The following EXOC6B variants were observed in gnomAD, a reference collection of about 807,000 sequenced individuals.
EXOC6B encodes SEC15 homolog B.
In EXOC6B, 54 loss-of-function variants were observed where a neutral mutation model predicts 113.5. That is an observed-to-expected ratio of 0.48 (90% CI 0.38 to 0.60). EXOC6B has a LOEUF of 0.60. Ranked by LOEUF, EXOC6B falls within the 20% of genes least tolerant of loss-of-function variation. EXOC6B has a pLI of 0.00. For synonymous variants in EXOC6B, 357 were observed against 339.0 expected (o/e 1.05, Z -0.58); for missense variants, 797 against 977.5 (o/e 0.82, Z 2.46).
intron 6 of EXOC6B, among the ~76,000 whole-genome samples, chr2:72,587,427 A>G (rs1705661730): frequency 6.6e-6 from 1 of 152,284 alleles, no homozygotes; most frequent in South Asian, 2.1e-4. Flanking sequence ...AAAGGGGGAG[A>G]GAAAGGAAAG....
At position 72,825,856 on chromosome 2, in the gene EXOC6B, C is replaced by T. The variant is rs748008544; in HGVS notation, c.55G>A (p.Glu19Lys). The T allele has an allele frequency of 6.2e-7, 1 of 1,613,492 alleles. No homozygotes were observed. The highest frequency in any genetic ancestry group is 8.5e-7 in the Non-Finnish European group (1 of 1,179,746). Residue 19 changes from glutamate to lysine, a missense_variant, in exon 1 of 22, where the codon GAG becomes AAG. Physicochemically the swap from Glu to Lys is moderately conservative, Grantham distance 56. Coordinates refer to ENST00000272427, the MANE Select transcript of EXOC6B (RefSeq NM_015189.3). The surrounding 1 kb of genome is among the most constrained non-coding windows in gnomAD (Gnocchi z 4.4). Reference sequence around the variant, plus strand: ...CTCTCGATCTCTCGCAGGATCCGCTCGTGCTCTGCCGCTGTCTCCAGGCTC... The same window carrying T: ...CTCTCGATCTCTCGCAGGATCCGCTTGTGCTCTGCCGCTGTCTCCAGGCTC... ...AESLETAAEH[E>K]RILREIESTD...
At chr2:72,679,610 C>T (rs1188284231) in intron 6 of EXOC6B, among the ~76,000 whole-genome samples, 1 of 152,036 alleles carries the variant, frequency 6.6e-6, no homozygotes, top group African/African-American at 2.4e-5. Context: ...GAGATTTCAC[C>T]AATGGCATAA....
rs531940180 is a variant in EXOC6B at position 72,384,063 on chromosome 2, T to C, written c.1981-4193A>G. Among the ~76,000 whole-genome samples, 4 of 152,220 alleles carry C rather than the reference T, an allele frequency of 2.6e-5. No individual in the cohort carries two copies. In the South Asian group the frequency reaches 6.2e-4, roughly 24 times the overall value. ...CCTTTCAGACACTATGCTTAATACC[T>C]GGGTGATGACATAATCTGTACACCA... On this transcript the variant is annotated intron_variant, in intron 18 of 21. Transcript: ENST00000272427.
At chr2:72,231,089 G>A (rs1321573893) in intron 20 of EXOC6B, among the ~76,000 whole-genome samples, 1 of 152,098 alleles carries the variant, frequency 6.6e-6, no homozygotes, top group East Asian at 1.9e-4. Context: ...GTAGAATCCA[G>A]TTCTGGTTCA....
At chr2:72,453,234 G>A (rs921860202) in intron 18 of EXOC6B, among the ~76,000 whole-genome samples, 2 of 152,124 alleles carry the variant, frequency 1.3e-5, no homozygotes, top group African/African-American at 2.4e-5. Flanking sequence ...GGGCTACTTC[G>A]CAAACAAAGA....
chr2:72,565,404 T>C (rs1012525715), intron 7 of EXOC6B, among the ~76,000 whole-genome samples: 3 of 135,762 alleles, frequency 2.2e-5, no homozygotes, highest in Non-Finnish European at 3.1e-5. Flanking sequence ...AAAATTCAAG[T>C]GGTCTTTATT....
chr2:72,432,621 A>G (rs1695608770), intron 18 of EXOC6B, among the ~76,000 whole-genome samples: 1 of 152,090 alleles, frequency 6.6e-6, no homozygotes, highest in Non-Finnish European at 1.5e-5. Flanking sequence ...CCCCATTCTA[A>G]CTGGCATGAG....
At chr2:72,665,093 G>T (rs536051041) in intron 6 of EXOC6B, among the ~76,000 whole-genome samples, 1 of 152,152 alleles carries the variant, frequency 6.6e-6, no homozygotes, top group South Asian at 2.1e-4. Flanking sequence ...CCGCAGGGCC[G>T]GTCTGGGAAG....
intron 6 of EXOC6B, among the ~76,000 whole-genome samples, chr2:72,638,130 G>A (rs573911621): frequency 6.6e-6 from 1 of 152,186 alleles, no homozygotes; most frequent in East Asian, 1.9e-4. Flanking sequence ...GAAAAACAGA[G>A]AGAAGGTCCA....
At chr2:72,258,951 A>G (rs932998736) in intron 20 of EXOC6B, among the ~76,000 whole-genome samples, 2 of 152,214 alleles carry the variant, frequency 1.3e-5, no homozygotes, top group African/African-American at 4.8e-5. Context: ...TCATATATAT[A>G]TTCATCAACT....
rs114625036 is a variant in EXOC6B, at chr2:72,673,351, G to A, written c.669+44752C>T. The stretch of plus-strand genomic sequence containing the variant: ...ATTTACTGAATGAAAGGCTATGATT[G>A]ACAATAACCTGCCCAGCCGTTCCCA... On this transcript the variant is annotated intron_variant, in intron 6 of 21. Coordinates refer to ENST00000272427, the MANE Select transcript of EXOC6B (RefSeq NM_015189.3). Among the ~76,000 whole-genome samples the A allele has an allele frequency of 5.4e-3, 816 of 152,272 alleles. 8 individuals carry two copies. Among genetic ancestry groups the A allele is most frequent in the African/African-American group, 0.018 (765 of 41,558 alleles).
intron 8 of EXOC6B, among the ~76,000 whole-genome samples, chr2:72,522,089 AT>A (rs922447420): frequency 2.0e-5 from 3 of 151,972 alleles, no homozygotes; most frequent in East Asian, 1.9e-4. Context: ...CTCCACAACA[AT>A]TTTTTTTATC....
intron 8 of EXOC6B, among the ~76,000 whole-genome samples, chr2:72,520,349 T>A (rs1187252479): frequency 6.6e-6 from 1 of 152,226 alleles, no homozygotes; most frequent in African/African-American, 2.4e-5. Context: ...CATCTCCTCA[T>A]GTAATTTTTC....
At chr2:72,300,740 C>T (rs1686460670) in intron 20 of EXOC6B, among the ~76,000 whole-genome samples, 1 of 152,146 alleles carries the variant, frequency 6.6e-6, no homozygotes. Flanking sequence ...TGCACCATTC[C>T]TCCGGGTACA....
chr2:72,419,071 G>A (rs1255694505), intron 18 of EXOC6B, among the ~76,000 whole-genome samples: 2 of 151,968 alleles, frequency 1.3e-5, no homozygotes, highest in Admixed American at 1.3e-4. Flanking sequence ...CTTAACTTAA[G>A]AAATAAACAA....
At chr2:72,387,366 C>A (rs1692096143) in intron 18 of EXOC6B, among the ~76,000 whole-genome samples, 1 of 152,000 alleles carries the variant, frequency 6.6e-6, no homozygotes, top group Non-Finnish European at 1.5e-5. Context: ...GTTTAGAAAA[C>A]CCTTTTGTTT....
At chr2:72,451,356 A>G (rs1477121385) in intron 18 of EXOC6B, among the ~76,000 whole-genome samples, 1 of 152,136 alleles carries the variant, frequency 6.6e-6, no homozygotes, top group Non-Finnish European at 1.5e-5. Context: ...TTATTTTTCA[A>G]AGTAGTTATC....
At chr2:72,479,603 T>C (rs1240004193) in intron 17 of EXOC6B, among the ~76,000 whole-genome samples, 1 of 152,190 alleles carries the variant, frequency 6.6e-6, no homozygotes, top group African/African-American at 2.4e-5. Context: ...AATCAAACCA[T>C]ATAAGTAGCC....
In EXOC6B at chr2:72,826,000, A is replaced by T; in HGVS notation, c.-90T>A. 6.6e-7 allele frequency: 1 copy of T among 1,507,620 alleles called. No individual in the cohort carries two copies. The highest frequency in any genetic ancestry group is 1.2e-5 in the South Asian group (1 of 80,094). 93.4% of individuals were successfully genotyped at this position (1,507,620 alleles called of 1,614,324 possible). A position where few individuals can be genotyped will look rare whatever the true frequency, so the allele number is the denominator to read the frequency against. On this transcript the variant is annotated 5_prime_UTR_variant, in exon 1 of 22. Transcript: ENST00000272427. This position sits in a 1 kb window ranked among gnomAD's most constrained non-coding sequence, Gnocchi z 4.4. ...ATGCCGCTCCCACCACAGGCTCCAC[A>T]GCCGCCCCAGCCTCTGGCTACCCGC...
Sources: gnomAD v4.1 joint callset for allele counts (sites outside exome capture counted in the v4.1 genomes callset) on GRCh38, gnomAD v4.1.1 for gene constraint, Gnocchi (gnomAD v3.1) non-coding constraint, MANE v1.5 for transcripts, NCBI Gene and HGNC (gene_info 2026-07-23, HGNC 2026-07-21) for gene names.